PIK3CD: variants seen among roughly 807,000 people sequenced by gnomAD.
PIK3CD encodes phosphatidylinositol-4,5-bisphosphate 3-kinase catalytic subunit delta.
PIK3CD carries 20 observed loss-of-function variants against 122.9 expected under a neutral mutation model. That is an observed-to-expected ratio of 0.16 (90% CI 0.11 to 0.24). The LOEUF is 0.24. Ranked by LOEUF, PIK3CD falls within the 10% of genes least tolerant of loss-of-function variation. PIK3CD has a pLI of 1.00. For missense variants in PIK3CD, 787 were observed against 1,406.3 expected (o/e 0.56, Z 7.04); for synonymous variants, 596 against 593.4 (o/e 1.00, Z -0.06).
chr1:9,653,547 G>A (rs534629405), intron 1 of PIK3CD: 173 of 317,098 alleles, frequency 5.5e-4, no homozygotes, highest in Middle Eastern at 4.7e-3. Flanking sequence ...ATTTGGAGGG[G>A]ACGACTGTTC....
At chr1:9,643,344 G>T in the PIK3CD span, among the ~76,000 whole-genome samples, 1 of 150,702 alleles carries the variant, frequency 6.6e-6, no homozygotes. Flanking sequence ...GGAGATGGAG[G>T]TTGCAGTAAG....
chr1:9,728,559 A>T lies in PIK3CD; in HGVS notation c.*1513A>T, dbSNP rs1170350531. On this transcript the variant is annotated 3_prime_UTR_variant, in exon 24 of 24. Transcript: ENST00000377346. ...GGTGCCAGCTCTGTTCTGATTCACCAGGGGTCCGTCAGTAGTCATTGCCAC... is the reference window on the plus strand; with the variant it reads ...GGTGCCAGCTCTGTTCTGATTCACCTGGGGTCCGTCAGTAGTCATTGCCAC... The T allele has an allele frequency of 6.6e-6, 1 of 152,266 alleles. No individual in the cohort carries two copies. Among genetic ancestry groups the T allele is most frequent in the Non-Finnish European group, 1.5e-5 (1 of 68,046 alleles). 9.4% of individuals were successfully genotyped at this position (152,266 alleles called of 1,614,324 possible).
At chr1:9,632,578 C>T in the PIK3CD span, among the ~76,000 whole-genome samples, 1,227 of 152,278 alleles carry the variant, frequency 8.1e-3, 16 homozygotes, top group African/African-American at 0.028. Flanking sequence ...TCCTACCATA[C>T]TTGATCTATA....
intron 23 of PIK3CD, among the ~76,000 whole-genome samples, chr1:9,725,887 T>C (rs1328440330): frequency 6.6e-6 from 1 of 151,238 alleles, no homozygotes; most frequent in African/African-American, 2.4e-5. Flanking sequence ...CAAAAAATAA[T>C]AATAAAATAA....
rs1649894235 is a variant in PIK3CD, at chr1:9,727,720, A to C, written c.*674A>C. On this transcript the variant is annotated 3_prime_UTR_variant, in exon 24 of 24. Transcript: ENST00000377346. ...TACGCTGGTCCTCAGGACGTGTTAA[A>C]GAGATCTGGGCCTCATGTAGCTCAC... 4.7e-6 allele frequency: 1 copy of C among 212,562 alleles called. No homozygotes were observed. The highest frequency in any genetic ancestry group is 5.7e-5 in the Admixed American group (1 of 17,534). The allele number at this position is 212,562 out of a possible 1,614,324, so 13.2% of individuals were successfully genotyped here. A position where few individuals can be genotyped will look rare whatever the true frequency, so the allele number is the denominator to read the frequency against.
intron 1 of PIK3CD, among the ~76,000 whole-genome samples, chr1:9,680,190 G>A (rs950085460): frequency 6.6e-5 from 10 of 152,096 alleles, no homozygotes; most frequent in South Asian, 2.1e-4. Flanking sequence ...TGCCTAGGCT[G>A]GTTTCAAACT....
At chr1:9,656,881 T>G (rs1351658605) in intron 1 of PIK3CD, among the ~76,000 whole-genome samples, 1 of 149,998 alleles carries the variant, frequency 6.7e-6, no homozygotes, top group East Asian at 1.9e-4. Context: ...AGGCAGAGGT[T>G]GTAGTGAGCT....
In PIK3CD at chr1:9,718,882, G is replaced by A. The variant is rs753363954; in HGVS notation, c.1209G>A (p.Lys403=). ...ACGCCGTGATCGAGAAAGCCAAGAA[G>A]GCTCGCTCCACCAAGAAGAAGTCCA... The part of the protein sequence containing the change: ...ALYAVIEKAK[K]ARSTKKKSKK... The change falls in exon 9 of 24, where the codon AAG becomes AAA. Residue 403 remains lysine, a synonymous_variant. Transcript: ENST00000377346. This position sits in a 1 kb window ranked among gnomAD's most constrained non-coding sequence, Gnocchi z 7.2. 9.9e-6 allele frequency: 16 copies of A among 1,613,142 alleles called. No individual in the cohort carries two copies. In the East Asian group the frequency reaches 1.1e-4, roughly 11 times the overall value.
intron 1 of PIK3CD, among the ~76,000 whole-genome samples, chr1:9,667,921 T>G (rs1161903902): frequency 3.3e-4 from 49 of 146,536 alleles, no homozygotes; most frequent in African/African-American, 1.1e-3. Context: ...TTTTTTTTTT[T>G]TTTTTTTTTT....
chr1:9,717,133 C>T lies in PIK3CD; in HGVS notation c.930+25C>T, dbSNP rs372128720. 3.1e-6 allele frequency: 5 copies of T among 1,613,502 alleles called. No individual in the cohort carries two copies. The highest frequency in any genetic ancestry group is 4.2e-6 in the Non-Finnish European group (5 of 1,179,932). On this transcript the variant is annotated intron_variant, in intron 7 of 23. Transcript: ENST00000377346. The surrounding 1 kb of genome is among the most constrained non-coding windows in gnomAD (Gnocchi z 5.4). ...GGTGAGATGGCGCCTTCCGCCTCCC[C>T]TCTGAGCCACCCCTTCTTTCCACCT...
Position 9,700,717 on chromosome 1 carries a change from C to A in PIK3CD, c.-33+9146C>A, listed in dbSNP as rs1001457106. On this transcript the variant is annotated intron_variant, in intron 2 of 23. Transcript: ENST00000377346. This position sits in a 1 kb window ranked among gnomAD's most constrained non-coding sequence, Gnocchi z 5.1. ...ACCTGGGGAGTTTGCCCCTGGCGGT[C>A]TTTACGTGGCTATTCATTAAGCAGC... 5.9e-5 allele frequency among the ~76,000 whole-genome samples: 9 copies of A among 152,170 alleles called. No individual in the cohort carries two copies. Among genetic ancestry groups the A allele is most frequent in the African/African-American group, 2.2e-4 (9 of 41,440 alleles).
intron 3 of PIK3CD, among the ~76,000 whole-genome samples, chr1:9,711,409 C>T (rs1647047865): frequency 6.6e-6 from 1 of 152,142 alleles, no homozygotes. Context: ...AGATAAATCA[C>T]GTCCATGAGT....
chr1:9,705,757 T>C (rs1646807878), intron 2 of PIK3CD, among the ~76,000 whole-genome samples: 1 of 151,652 alleles, frequency 6.6e-6, no homozygotes, highest in African/African-American at 2.4e-5. Context: ...GAAATGCAAA[T>C]TAAAACGAGA....
At chr1:9,647,035 TG>T (rs1014971848), upstream of PIK3CD, among the ~76,000 whole-genome samples, 1 of 150,142 alleles carries the variant, frequency 6.7e-6, no homozygotes, top group African/African-American at 2.5e-5. Flanking sequence ...TGCTTGAAGA[TG>T]GGAAGTGAAG....
upstream of PIK3CD, among the ~76,000 whole-genome samples, chr1:9,650,013 C>T (rs1400341924): frequency 5.3e-5 from 8 of 152,182 alleles, no homozygotes; most frequent in Admixed American, 5.2e-4. Context: ...AGAGAAAAAC[C>T]ATGTGTAACT....
chr1:9,671,021 G>A (rs771984179), intron 1 of PIK3CD, among the ~76,000 whole-genome samples: 1 of 152,098 alleles, frequency 6.6e-6, no homozygotes, highest in Admixed American at 6.6e-5. Context: ...ACCTCCCAAA[G>A]TGCTGGGATT....
intron 1 of PIK3CD, among the ~76,000 whole-genome samples, chr1:9,669,241 T>G (rs965202072): frequency 4.6e-5 from 7 of 152,208 alleles, no homozygotes; most frequent in African/African-American, 1.7e-4. Flanking sequence ...CTATCATAGC[T>G]CATTGCAGCC....
chr1:9,648,828 G>A (rs1036421456), upstream of PIK3CD, among the ~76,000 whole-genome samples: 4 of 152,338 alleles, frequency 2.6e-5, no homozygotes, highest in Admixed American at 1.3e-4. Flanking sequence ...CAGGCCGGGC[G>A]CAGTGGCTTA....
At chr1:9,667,393 T>C (rs1476186164) in intron 1 of PIK3CD, among the ~76,000 whole-genome samples, 2 of 151,954 alleles carry the variant, frequency 1.3e-5, no homozygotes, top group East Asian at 3.9e-4. Context: ...TTTTTTTTTT[T>C]TGAGATGGAG....
Sources: gnomAD v4.1 joint callset for allele counts (sites outside exome capture counted in the v4.1 genomes callset) on GRCh38, gnomAD v4.1.1 for gene constraint, Gnocchi (gnomAD v3.1) non-coding constraint, MANE v1.5 for transcripts, NCBI Gene and HGNC (gene_info 2026-07-23, HGNC 2026-07-21) for gene names.